The following LRRC4C variants were observed in gnomAD, a reference collection of about 807,000 sequenced individuals.
LRRC4C encodes the protein leucine-rich repeat-containing protein 4C.
Under a neutral mutation model 33.6 loss-of-function variants are expected in LRRC4C, and 5 were observed. The observed-to-expected ratio is 0.15, with a 90% CI of 0.08 to 0.31. The LOEUF (loss-of-function observed/expected upper bound fraction) is 0.31. Among genes scored for constraint, LRRC4C ranks in the 10% least tolerant of loss-of-function variants. The pLI is 1.00. For synonymous variants in LRRC4C, 329 were observed against 302.0 expected, an observed-to-expected ratio of 1.09 and a Z score of -0.93; for missense variants, 560 against 796.7, an observed-to-expected ratio of 0.70 and a Z score of 3.58.
At chr11:41,118,358 C>A (rs746108862) in intron 1 of LRRC4C, among the ~76,000 whole-genome samples, 5 of 152,122 alleles carry the variant, frequency 3.3e-5, no homozygotes, top group Non-Finnish European at 5.9e-5. Flanking sequence ...GCAGATTGAA[C>A]TCTAAGCATT....
rs188982744 is a variant in LRRC4C at position 40,245,155 on chromosome 11, C to A, written c.-175-3557G>T. Among the ~76,000 whole-genome samples the A allele has an allele frequency of 6.3e-4, 96 of 152,252 alleles. 1 individual carries two copies. The Middle Eastern group carries it at 0.027, about 43-fold the overall frequency. On this transcript the variant is annotated intron_variant, in intron 4 of 6. Coordinates refer to ENST00000528697, the MANE Select transcript of LRRC4C (RefSeq NM_001258419.2). ...CATCAGTCTTGGCCATTTCCTGAGA[C>A]CAACTAGGAATTGTGTTCAAATTCA...
chr11:40,844,382 T>A (rs932415060), intron 2 of LRRC4C, among the ~76,000 whole-genome samples: 6 of 152,190 alleles, frequency 3.9e-5, no homozygotes, highest in Non-Finnish European at 4.4e-5. Context: ...ATGACCTAAT[T>A]TGGCTAGTAA....
chr11:41,432,695 A>G (rs748528052), intron 1 of LRRC4C, among the ~76,000 whole-genome samples: 3 of 152,050 alleles, frequency 2.0e-5, no homozygotes, highest in Non-Finnish European at 4.4e-5. Flanking sequence ...GTCTCCCTAT[A>G]GGATACTGTC....
At chr11:41,281,442 G>A (rs1949676051) in intron 1 of LRRC4C, among the ~76,000 whole-genome samples, 1 of 152,138 alleles carries the variant, frequency 6.6e-6, no homozygotes, top group Non-Finnish European at 1.5e-5. Flanking sequence ...GAAATGGGCA[G>A]AACATCAAAT....
chr11:40,649,133 T>C (rs941860514), intron 2 of LRRC4C, among the ~76,000 whole-genome samples: 2 of 152,178 alleles, frequency 1.3e-5, no homozygotes, highest in East Asian at 1.9e-4. Flanking sequence ...GATAAACATC[T>C]TAAACAACAG....
chr11:40,525,862 C>T (rs1956026772), intron 3 of LRRC4C, among the ~76,000 whole-genome samples: 1 of 152,030 alleles, frequency 6.6e-6, no homozygotes, highest in African/African-American at 2.4e-5. Flanking sequence ...GTAACTAAGA[C>T]AAGGTGGTAT....
chr11:40,601,623 A>T (rs1000406078), intron 3 of LRRC4C, among the ~76,000 whole-genome samples: 4 of 152,220 alleles, frequency 2.6e-5, no homozygotes, highest in African/African-American at 9.6e-5. Flanking sequence ...TTCATTTTGT[A>T]TCATTAAAAT....
At chr11:40,643,891 G>A (rs538676375) in intron 3 of LRRC4C, among the ~76,000 whole-genome samples, 1 of 152,194 alleles carries the variant, frequency 6.6e-6, no homozygotes, top group Non-Finnish European at 1.5e-5. Context: ...AAAACAGAAG[G>A]TTTAAACAAT....
intron 1 of LRRC4C, among the ~76,000 whole-genome samples, chr11:41,454,378 C>A (rs1350246316): frequency 6.6e-6 from 1 of 152,098 alleles, no homozygotes; most frequent in Non-Finnish European, 1.5e-5. Context: ...TTTAAGACTG[C>A]AGCATTCCCT....
At chr11:40,118,114 T>C (rs947508962) in intron 6 of LRRC4C, among the ~76,000 whole-genome samples, 1 of 148,498 alleles carries the variant, frequency 6.7e-6, no homozygotes, top group Non-Finnish European at 1.5e-5. Context: ...TCATTATAAA[T>C]TGTTAATATG....
intron 1 of LRRC4C, among the ~76,000 whole-genome samples, chr11:41,209,691 T>C (rs192513597): frequency 2.1e-3 from 316 of 151,672 alleles, no homozygotes; most frequent in Non-Finnish European, 3.4e-3. Context: ...GGATTTGGAA[T>C]TGATGCTAGA....
intron 3 of LRRC4C, among the ~76,000 whole-genome samples, chr11:40,513,164 A>T (rs1590965018): frequency 6.8e-6 from 1 of 147,776 alleles, no homozygotes; most frequent in Non-Finnish European, 1.5e-5. Context: ...CAGGAGAATC[A>T]CTTGAACCTG....
At chr11:40,318,465 T>C (rs966343220) in intron 4 of LRRC4C, among the ~76,000 whole-genome samples, 4 of 152,178 alleles carry the variant, frequency 2.6e-5, no homozygotes, top group Non-Finnish European at 4.4e-5. Flanking sequence ...TAATGGAGAC[T>C]ATTAAGTCAA....
intron 6 of LRRC4C, among the ~76,000 whole-genome samples, chr11:40,122,107 C>T (rs1855869150): frequency 6.6e-6 from 1 of 152,144 alleles, no homozygotes; most frequent in African/African-American, 2.4e-5. Flanking sequence ...CAACAGACAT[C>T]TGTGCTCAGA....
chr11:41,231,655 A>G (rs1236386944), intron 1 of LRRC4C, among the ~76,000 whole-genome samples: 4 of 151,580 alleles, frequency 2.6e-5, no homozygotes, highest in Non-Finnish European at 5.9e-5. Flanking sequence ...TAGGAGATAT[A>G]CCTAATGTAA....
At chr11:41,380,569 G>A (rs1285210202) in intron 1 of LRRC4C, among the ~76,000 whole-genome samples, 1 of 152,044 alleles carries the variant, frequency 6.6e-6, no homozygotes, top group Non-Finnish European at 1.5e-5. Context: ...AAGAAAATTA[G>A]CATTAATTAC....
chr11:40,730,881 G>A (rs137974743), intron 2 of LRRC4C, among the ~76,000 whole-genome samples: 8 of 152,212 alleles, frequency 5.3e-5, no homozygotes, highest in Admixed American at 2.0e-4. Flanking sequence ...TTGGATCTGC[G>A]TCCCTGCCAA....
intron 1 of LRRC4C, among the ~76,000 whole-genome samples, chr11:41,072,501 C>T (rs979157842): frequency 1.3e-5 from 2 of 151,940 alleles, no homozygotes; most frequent in Non-Finnish European, 2.9e-5. Context: ...TAGTCTATAG[C>T]ACTTCCCTTA....
At chr11:40,339,768 A>G (rs1022572054) in intron 3 of LRRC4C, among the ~76,000 whole-genome samples, 1 of 152,212 alleles carries the variant, frequency 6.6e-6, no homozygotes, top group African/African-American at 2.4e-5. Flanking sequence ...ACAGCTGGGC[A>G]GTTGAAAAGA....
Sources: gnomAD v4.1 joint callset for allele counts (sites outside exome capture counted in the v4.1 genomes callset) on GRCh38, gnomAD v4.1.1 for gene constraint, MANE v1.5 for transcripts, NCBI Gene and HGNC (gene_info 2026-07-23, HGNC 2026-07-21) for gene names.